PEBP4: variants seen among roughly 807,000 people sequenced by gnomAD.
PEBP4 encodes the protein phosphatidylethanolamine binding protein 4, also known as phosphatidylethanolamine-binding protein 4.
PEBP4 carries 22 observed loss-of-function variants against 23.9 expected under a neutral mutation model. The observed-to-expected ratio is 0.92, with a 90% CI of 0.66 to 1.31. The LOEUF (loss-of-function observed/expected upper bound fraction) is 1.31. Among genes scored for constraint, PEBP4 ranks in the 40% most tolerant of loss-of-function variants. The pLI is 0.00. For synonymous variants in PEBP4, 112 were observed against 99.3 expected (o/e 1.13, Z -0.76); for missense variants, 324 against 281.7 (o/e 1.15, Z -1.07).
chr8:22,930,892 T>C (rs1381813880), upstream of PEBP4, among the ~76,000 whole-genome samples: 1 of 152,158 alleles, frequency 6.6e-6, no homozygotes, highest in Admixed American at 6.5e-5. Flanking sequence ...GTGCCCACCC[T>C]TGAAGTCCCC....
intron 3 of PEBP4, among the ~76,000 whole-genome samples, chr8:22,888,469 C>T (rs762732136): frequency 3.7e-4 from 57 of 152,280 alleles, no homozygotes; most frequent in Non-Finnish European, 7.2e-4. Context: ...GGACCGGCCA[C>T]GGGAGAACCC....
intron 3 of PEBP4, among the ~76,000 whole-genome samples, chr8:22,819,887 T>G (rs1806821513): frequency 6.6e-6 from 1 of 152,144 alleles, no homozygotes; most frequent in South Asian, 2.1e-4. Flanking sequence ...ATTACAGGCG[T>G]GAGCCACCGC....
At chr8:22,840,407 A>AT (rs112350964) in intron 3 of PEBP4, among the ~76,000 whole-genome samples, 5,712 of 141,484 alleles carry the variant, frequency 0.04, 156 homozygotes, top group Non-Finnish European at 0.066. Context: ...TCTTCTTTTA[A>AT]TTTTTTTTTT....
chr8:22,888,669 T>C (rs984547140), intron 3 of PEBP4, among the ~76,000 whole-genome samples: 2 of 152,216 alleles, frequency 1.3e-5, no homozygotes, highest in African/African-American at 4.8e-5. Context: ...TCCTAAACCA[T>C]TAATTTCATG....
intron 3 of PEBP4, among the ~76,000 whole-genome samples, chr8:22,873,696 C>T (rs1228247223): frequency 1.3e-5 from 2 of 152,210 alleles, no homozygotes; most frequent in Admixed American, 6.5e-5. Flanking sequence ...ACATACTATA[C>T]TCAGTGTAAC....
chr8:22,872,831 C>T (rs780209705), intron 3 of PEBP4, among the ~76,000 whole-genome samples: 2 of 152,130 alleles, frequency 1.3e-5, no homozygotes, highest in Non-Finnish European at 2.9e-5. Flanking sequence ...CATGCGCCAC[C>T]ACGCCTAGCT....
intron 1 of PEBP4, among the ~76,000 whole-genome samples, chr8:22,938,996 T>C (rs141874140): frequency 6.6e-6 from 1 of 152,396 alleles, no homozygotes; most frequent in East Asian, 1.9e-4. Context: ...CAACATGCAC[T>C]TGGGCCATCT....
intron 4 of PEBP4, among the ~76,000 whole-genome samples, chr8:22,731,485 ATGTTAATTGACTGTTTATGTTAT>A (rs1408398081): frequency 6.6e-6 from 1 of 152,178 alleles, no homozygotes; most frequent in East Asian, 1.9e-4. Context: ...CATACAAAAC[ATGTTAATTGACTGTTTATGTTAT>A]TGGCTTCCCG....
chr8:22,923,291 G>C (rs149126910), intron 2 of PEBP4, among the ~76,000 whole-genome samples: 2 of 152,278 alleles, frequency 1.3e-5, no homozygotes, highest in Non-Finnish European at 2.9e-5. Context: ...CAAGGGCTGG[G>C]CGTGGTGGCT....
intron 4 of PEBP4, chr8:22,755,647 C>T (rs1235259978): frequency 6.6e-6 from 1 of 152,130 alleles, no homozygotes; most frequent in Non-Finnish European, 1.5e-5. Context: ...AAATTGTATA[C>T]TCTTTTCTAA....
chr8:22,822,850 T>C (rs1484328408), intron 3 of PEBP4, among the ~76,000 whole-genome samples: 1 of 152,010 alleles, frequency 6.6e-6, no homozygotes, highest in Non-Finnish European at 1.5e-5. Flanking sequence ...GAAATAATCA[T>C]TTTGCAAAAA....
chr8:22,784,733 A>G (rs1805994660), intron 4 of PEBP4, among the ~76,000 whole-genome samples: 1 of 152,250 alleles, frequency 6.6e-6, no homozygotes, highest in African/African-American at 2.4e-5. Flanking sequence ...AGAAGCATCC[A>G]GGAAAAACCC....
At chr8:22,771,414 A>G (rs925025518) in intron 4 of PEBP4, among the ~76,000 whole-genome samples, 1 of 152,162 alleles carries the variant, frequency 6.6e-6, no homozygotes, top group African/African-American at 2.4e-5. Context: ...ACTCGAACCC[A>G]GGAGGTGGAG....
At chr8:22,881,403 G>C (rs145384917) in intron 3 of PEBP4, among the ~76,000 whole-genome samples, 1 of 152,100 alleles carries the variant, frequency 6.6e-6, no homozygotes, top group Non-Finnish European at 1.5e-5. Context: ...CCTCAGACTC[G>C]GGCTTCCTGC....
intron 3 of PEBP4, among the ~76,000 whole-genome samples, chr8:22,882,588 T>C (rs1336215253): frequency 6.6e-6 from 1 of 152,208 alleles, no homozygotes; most frequent in Non-Finnish European, 1.5e-5. Context: ...CAGCCGCAAA[T>C]GTGAAACTAT....
intron 4 of PEBP4, among the ~76,000 whole-genome samples, chr8:22,758,625 C>A (rs940580256): frequency 6.6e-6 from 1 of 152,160 alleles, no homozygotes; most frequent in Non-Finnish European, 1.5e-5. Context: ...TGGCCTGCCC[C>A]GGAGTTAGTT....
chr8:22,934,930 G>T (rs1027349807), intron 1 of PEBP4, among the ~76,000 whole-genome samples: 3 of 152,140 alleles, frequency 2.0e-5, no homozygotes, highest in African/African-American at 7.2e-5. Context: ...GATTTAAAAA[G>T]ATGTACACAG....
chr8:22,854,259 C>G (rs1370243928), intron 3 of PEBP4, among the ~76,000 whole-genome samples: 2 of 152,280 alleles, frequency 1.3e-5, no homozygotes, highest in African/African-American at 4.8e-5. Flanking sequence ...GAGATGAAAC[C>G]TGACTGGTGA....
chr8:22,816,825 C>T (rs192793541), intron 4 of PEBP4, among the ~76,000 whole-genome samples: 1 of 152,248 alleles, frequency 6.6e-6, no homozygotes, highest in Admixed American at 6.5e-5. Flanking sequence ...GTGGACTTCC[C>T]CAAAGAGCAC....
Sources: gnomAD v4.1 joint callset for allele counts (sites outside exome capture counted in the v4.1 genomes callset) on GRCh38, gnomAD v4.1.1 for gene constraint, MANE v1.5 for transcripts, NCBI Gene and HGNC (gene_info 2026-07-23, HGNC 2026-07-21) for gene names.